Variants in PDZRN4 observed in about 807,000 individuals in gnomAD.
The protein encoded by PDZRN4 is PDZ domain containing ring finger 4.
Under a neutral mutation model 99.0 loss-of-function variants are expected in PDZRN4, and 70 were observed. The observed-to-expected ratio is 0.71, with a 90% confidence interval of 0.58 to 0.86. PDZRN4 has a LOEUF of 0.86. PDZRN4 is among the 40% of genes least tolerant of loss of function. The probability of loss-of-function intolerance (pLI) is 0.00; values close to 1 mark genes in which losing one functional copy is unlikely to be tolerated. For missense variants in PDZRN4, 1,474 were observed against 1,331.2 expected (o/e 1.11, Z -1.67); for synonymous variants, 551 against 501.6 (o/e 1.10, Z -1.32).
chr12:41,536,761 T>TAAAAAAAAAAAAAA (rs59008796), intron 5 of PDZRN4, among the ~76,000 whole-genome samples: 13,005 of 131,526 alleles, frequency 0.099, 676 homozygotes, highest in African/African-American at 0.13. Flanking sequence ...TATTGAAAAG[T>TAAAAAAAAAAAAAA]AAAAAAAAAA....
At chr12:41,207,135 A>C (rs113766253) in intron 3 of PDZRN4, among the ~76,000 whole-genome samples, 3,632 of 152,024 alleles carry the variant, frequency 0.024, 104 homozygotes, top group African/African-American at 0.071. Flanking sequence ...TTCTTCTTAC[A>C]CAAACTTTCA....
At chr12:41,483,637 G>A (rs1937718574) in intron 3 of PDZRN4, among the ~76,000 whole-genome samples, 1 of 152,118 alleles carries the variant, frequency 6.6e-6, no homozygotes, top group Admixed American at 6.6e-5. Flanking sequence ...GATCTCACAA[G>A]AACATAGACT....
chr12:41,453,239 T>C (rs981539017), intron 3 of PDZRN4, among the ~76,000 whole-genome samples: 1 of 152,076 alleles, frequency 6.6e-6, no homozygotes, highest in African/African-American at 2.4e-5. Flanking sequence ...GAAGATGGGA[T>C]CTCAGTCTTC....
chr12:41,380,066 T>A (rs1952112824), intron 3 of PDZRN4, among the ~76,000 whole-genome samples: 1 of 152,114 alleles, frequency 6.6e-6, no homozygotes, highest in Admixed American at 6.5e-5. Context: ...ATCTTTTTGA[T>A]GAATTCACCT....
At chr12:41,236,428 G>C (rs527508307) in intron 3 of PDZRN4, among the ~76,000 whole-genome samples, 75 of 152,206 alleles carry the variant, frequency 4.9e-4, no homozygotes, top group Non-Finnish European at 9.4e-4. Context: ...GAGGCGGGAG[G>C]CTCATTTAGG....
chr12:41,462,459 A>C (rs2120538428), intron 3 of PDZRN4, among the ~76,000 whole-genome samples: 1 of 152,318 alleles, frequency 6.6e-6, no homozygotes, highest in East Asian at 1.9e-4. Flanking sequence ...AGATGCTGCT[A>C]ATCTCTCTAC....
intron 3 of PDZRN4, among the ~76,000 whole-genome samples, chr12:41,309,261 T>C (rs1371796495): frequency 1.3e-5 from 2 of 152,162 alleles, no homozygotes; most frequent in East Asian, 1.9e-4. Context: ...ACTAGCTAAT[T>C]TGTAATGATC....
chr12:41,397,588 C>T (rs1952258209), intron 3 of PDZRN4, among the ~76,000 whole-genome samples: 2 of 152,144 alleles, frequency 1.3e-5, no homozygotes, highest in East Asian at 1.9e-4. Context: ...CAAAAAAATG[C>T]TGTATTTAAT....
intron 6 of PDZRN4, among the ~76,000 whole-genome samples, chr12:41,555,434 G>A (rs1032492212): frequency 1.3e-5 from 2 of 151,654 alleles, no homozygotes; most frequent in African/African-American, 4.8e-5. Context: ...AAAAAGGAAA[G>A]AAGAAATAGA....
chr12:41,465,650 C>T (rs531291616), intron 3 of PDZRN4, among the ~76,000 whole-genome samples: 2 of 152,324 alleles, frequency 1.3e-5, no homozygotes, highest in East Asian at 3.9e-4. Context: ...CCCTTTCCTT[C>T]TCCCCACTGC....
intron 9 of PDZRN4, among the ~76,000 whole-genome samples, chr12:41,568,586 A>G (rs1291560789): frequency 1.3e-5 from 2 of 152,182 alleles, no homozygotes; most frequent in Non-Finnish European, 2.9e-5. Context: ...TAAAAAGAAA[A>G]ATGAGCAGAA....
intron 3 of PDZRN4, among the ~76,000 whole-genome samples, chr12:41,242,434 G>T (rs1187040165): frequency 1.3e-5 from 2 of 152,152 alleles, no homozygotes; most frequent in African/African-American, 4.8e-5. Context: ...ATCCATAAAT[G>T]TTATATATTG....
At chr12:41,388,233 G>A (rs570414755) in intron 3 of PDZRN4, among the ~76,000 whole-genome samples, 8 of 152,192 alleles carry the variant, frequency 5.3e-5, no homozygotes, top group East Asian at 3.9e-4. Flanking sequence ...AACAACACAC[G>A]CTGGGGCCTA....
At chr12:41,467,914 C>T (rs1035155412) in intron 3 of PDZRN4, among the ~76,000 whole-genome samples, 4 of 152,174 alleles carry the variant, frequency 2.6e-5, no homozygotes, top group Non-Finnish European at 5.9e-5. Flanking sequence ...AGACTCTTTT[C>T]CCCCTGTAAA....
chr12:41,423,395 G>GT (rs1952508065), intron 3 of PDZRN4, among the ~76,000 whole-genome samples: 2 of 152,048 alleles, frequency 1.3e-5, no homozygotes, highest in Non-Finnish European at 2.9e-5. Context: ...AACATGAGGT[G>GT]TTTGGTTTTC....
chr12:41,419,729 A>G (rs906247580), intron 3 of PDZRN4, among the ~76,000 whole-genome samples: 1 of 152,188 alleles, frequency 6.6e-6, no homozygotes, highest in Non-Finnish European at 1.5e-5. Context: ...GCTCTCGGTT[A>G]ATGACTGTCA....
At chr12:41,292,296 C>T (rs948572098) in intron 3 of PDZRN4, among the ~76,000 whole-genome samples, 9 of 152,144 alleles carry the variant, frequency 5.9e-5, no homozygotes, top group Non-Finnish European at 1.2e-4. Flanking sequence ...GGGAGAATAC[C>T]GTTCCAGATC....
In PDZRN4 at chr12:41,189,114, G is replaced by C. The variant is rs770097801; in HGVS notation, c.648+11G>C. On this transcript the variant is annotated intron_variant, in intron 1 of 9. Coordinates refer to ENST00000402685, the MANE Select transcript of PDZRN4 (RefSeq NM_001164595.2). ...GGCGGCCACCGCAGGGTAAGCAAAG[G>C]GGGGTGGGCACCGCGGGCATGGTCG... 15 of 1,576,336 alleles carry C rather than the reference G, an allele frequency of 9.5e-6. No individual in the cohort carries two copies. Among genetic ancestry groups the C allele is most frequent in the East Asian group, 6.8e-5 (3 of 43,834 alleles).
At chr12:41,535,419 C>G (rs1938732056) in intron 5 of PDZRN4, among the ~76,000 whole-genome samples, 1 of 152,226 alleles carries the variant, frequency 6.6e-6, no homozygotes. Flanking sequence ...TAGACACATT[C>G]ACAAGTTAGT....
Sources: gnomAD v4.1 joint callset for allele counts (sites outside exome capture counted in the v4.1 genomes callset) on GRCh38, gnomAD v4.1.1 for gene constraint, MANE v1.5 for transcripts, NCBI Gene and HGNC (gene_info 2026-07-23, HGNC 2026-07-21) for gene names.